The following CSPP1 variants were observed in gnomAD, a reference collection of about 807,000 sequenced individuals.
The protein encoded by CSPP1 is centrosome and spindle pole associated protein 1.
A neutral mutation model predicts 164.4 loss-of-function variants in CSPP1; 126 were observed. The ratio of observed to expected loss-of-function variants is 0.77; its 90% CI spans 0.66 to 0.89. The LOEUF is 0.89. CSPP1 is among the 40% of genes least tolerant of loss of function. The probability of loss-of-function intolerance (pLI) is 0.00; values close to 1 mark genes in which losing one functional copy is unlikely to be tolerated. For synonymous variants in CSPP1, 472 were observed against 476.7 expected (o/e 0.99, Z 0.13); for missense variants, 1,395 against 1,449.8 (o/e 0.96, Z 0.61).
intron 13 of CSPP1, among the ~76,000 whole-genome samples, chr8:67,117,557 A>G (rs553102340): frequency 7.9e-5 from 12 of 152,370 alleles, no homozygotes; most frequent in African/African-American, 2.9e-4. Flanking sequence ...TTTTAAATTT[A>G]TGAAATACTT....
intron 24 of CSPP1, among the ~76,000 whole-genome samples, chr8:67,166,379 T>A (rs1448826475): frequency 3.3e-5 from 5 of 152,268 alleles, no homozygotes; most frequent in East Asian, 3.8e-4. Context: ...TGTATACATA[T>A]TAAGTTTATG....
chr8:67,093,751 T>G, intron 6 of CSPP1, 110 bp downstream of exon 6: 1 of 595,934 alleles, frequency 1.7e-6, no homozygotes, highest in Non-Finnish European at 2.8e-6. Context: ...TGTAAATACT[T>G]GCAAAATTAA....
chr8:67,192,366 C>T (rs1385363653), intron 29 of CSPP1, among the ~76,000 whole-genome samples: 3 of 152,158 alleles, frequency 2.0e-5, no homozygotes, highest in Non-Finnish European at 4.4e-5. Context: ...TGAGCCACCG[C>T]GCCCAGCCCT....
intron 18 of CSPP1, among the ~76,000 whole-genome samples, chr8:67,150,929 G>A (rs1478445678): frequency 6.6e-6 from 1 of 152,198 alleles, no homozygotes; most frequent in Non-Finnish European, 1.5e-5. Context: ...TGCTTTCACA[G>A]AAGTTTTGAT....
At chr8:67,158,913 A>G (rs1217463215) in intron 20 of CSPP1, 78 bp from the exon 21 acceptor site, 11 of 1,185,052 alleles carry the variant, frequency 9.3e-6, no homozygotes, top group African/African-American at 1.6e-5. Context: ...TCATTTTATC[A>G]GATAAATAAG....
intron 13 of CSPP1, among the ~76,000 whole-genome samples, chr8:67,117,733 C>G (rs1467260533): frequency 6.6e-6 from 1 of 152,200 alleles, no homozygotes; most frequent in Non-Finnish European, 1.5e-5. Flanking sequence ...CACAAGCTCA[C>G]TCCAGTAGCA....
At chr8:67,132,906 C>T (rs969028330) in intron 16 of CSPP1, among the ~76,000 whole-genome samples, 1 of 152,190 alleles carries the variant, frequency 6.6e-6, no homozygotes, top group African/African-American at 2.4e-5. Flanking sequence ...GGGACTCTAA[C>T]TTACTTACTT....
chr8:67,088,281 T>C (rs918216765), intron 4 of CSPP1, among the ~76,000 whole-genome samples: 4 of 151,958 alleles, frequency 2.6e-5, no homozygotes, highest in Non-Finnish European at 5.9e-5. Flanking sequence ...TTAAGATTTT[T>C]TTGTTTGTTT....
intron 3 of CSPP1, among the ~76,000 whole-genome samples, chr8:67,081,978 C>T (rs551465274): frequency 3.9e-5 from 6 of 152,190 alleles, no homozygotes; most frequent in Admixed American, 6.5e-5. Flanking sequence ...TGGGTTCAAA[C>T]GATCCTCCCT....
intron 25 of CSPP1, among the ~76,000 whole-genome samples, chr8:67,173,134 A>T (rs1021760571): frequency 1.3e-5 from 2 of 152,162 alleles, no homozygotes; most frequent in African/African-American, 4.8e-5. Flanking sequence ...TGGCTGGGAA[A>T]GGGAAGGGAA....
intron 30 of CSPP1, among the ~76,000 whole-genome samples, chr8:67,194,687 TA>T (rs546923662): frequency 0.019 from 2,592 of 135,256 alleles, 53 homozygotes; most frequent in African/African-American, 0.056. Context: ...CCAGGAGAAT[TA>T]AAAAAAAAAA....
intron 4 of CSPP1, among the ~76,000 whole-genome samples, chr8:67,086,439 A>G (rs1810418488): frequency 6.6e-6 from 1 of 152,072 alleles, no homozygotes; most frequent in African/African-American, 2.4e-5. Context: ...CCACTCTTCT[A>G]CACCCCCCAA....
chr8:67,174,994 T>A (rs1232186543), intron 25 of CSPP1: 1 of 321,924 alleles, frequency 3.1e-6, no homozygotes, highest in East Asian at 7.3e-5. Flanking sequence ...GTAGTCTGTG[T>A]TCTGGGTGGC....
At chr8:67,161,738 G>GGT (rs138049979) in intron 21 of CSPP1, 73 bp from the exon 22 acceptor site, 94 of 721,128 alleles carry the variant, frequency 1.3e-4, no homozygotes, top group African/African-American at 6.7e-4. Flanking sequence ...AACTATAAGG[G>GGT]GTGTGTGTGT....
At chr8:67,194,997 G>A (rs370106104) in intron 30 of CSPP1, among the ~76,000 whole-genome samples, 1 of 152,026 alleles carries the variant, frequency 6.6e-6, no homozygotes, top group Non-Finnish European at 1.5e-5. Flanking sequence ...AAAGAAAAAA[G>A]AAAGAAATTT....
At chr8:67,189,072 C>A (rs1159719784) in intron 28 of CSPP1, among the ~76,000 whole-genome samples, 1 of 152,146 alleles carries the variant, frequency 6.6e-6, no homozygotes, top group Non-Finnish European at 1.5e-5. Flanking sequence ...AAATGAGATA[C>A]CACCACATAC....
chr8:67,091,603 G>C (rs1488512485), intron 4 of CSPP1, among the ~76,000 whole-genome samples, 200 bp from the exon 5 acceptor site: 1 of 152,128 alleles, frequency 6.6e-6, no homozygotes, highest in Non-Finnish European at 1.5e-5. Flanking sequence ...GGGAGTTGTT[G>C]ATTGGAAGAA....
At chr8:67,105,317 G>A (rs892246178) in intron 8 of CSPP1, among the ~76,000 whole-genome samples, 2 of 151,874 alleles carry the variant, frequency 1.3e-5, no homozygotes, top group South Asian at 2.1e-4. Context: ...TAGCCACCAC[G>A]CCCAGCCTGA....
At chr8:67,084,768 T>G (rs1810039178) in intron 3 of CSPP1, among the ~76,000 whole-genome samples, 5 of 151,966 alleles carry the variant, frequency 3.3e-5, no homozygotes, top group Admixed American at 3.3e-4. Context: ...AAGCCAAGTT[T>G]TATTTTGTTT....
Sources: allele counts gnomAD v4.1 joint callset (sites outside exome capture counted in the v4.1 genomes callset), GRCh38; gene constraint gnomAD v4.1.1; transcripts MANE v1.5; gene names NCBI Gene and HGNC (gene_info 2026-07-23, HGNC 2026-07-21).